The following CRADD variants were observed in gnomAD, a reference collection of about 807,000 sequenced individuals.
CRADD encodes death domain-containing protein CRADD.
Under a neutral mutation model 15.5 loss-of-function variants are expected in CRADD, and 9 were observed. The ratio of observed to expected loss-of-function variants is 0.58; its 90% CI spans 0.35 to 1.01. CRADD has a LOEUF of 1.01. Ranked by LOEUF, CRADD falls within the 50% of genes least tolerant of loss-of-function variation. CRADD has a pLI of 0.02. For synonymous variants in CRADD, 118 were observed against 107.6 expected, an observed-to-expected ratio of 1.10 and a Z score of -0.60; for missense variants, 227 against 250.3, an observed-to-expected ratio of 0.91 and a Z score of 0.63.
At position 93,810,551 on chromosome 12, in the gene CRADD, C is replaced by CAAAAAAAA. The variant is rs56689824; in HGVS notation, c.299-39386_299-39379dup. On this transcript the variant is annotated intron_variant, in intron 2 of 2. Transcript: ENST00000332896. Reference sequence around the variant, plus strand: ...GGGCAACAAGAGCGCAAATCAGTCTCAAAAAAAAAAAAAAAAAAAAAAAAA... The same window carrying CAAAAAAAA: ...GGGCAACAAGAGCGCAAATCAGTCTCAAAAAAAAAAAAAAAAAAAAAAAAAAAAAAAAA... Among the ~76,000 whole-genome samples the CAAAAAAAA allele has an allele frequency of 7.4e-4, 29 of 39,068 alleles. 2 individuals are homozygous for CAAAAAAAA. Among genetic ancestry groups the CAAAAAAAA allele is most frequent in the African/African-American group, 1.4e-3 (15 of 10,862 alleles). 25.6% of individuals were successfully genotyped at this position (39,068 alleles called of 152,430 possible).
chr12:93,855,134 G>A (rs1958261869), downstream of CRADD, among the ~76,000 whole-genome samples: 1 of 152,096 alleles, frequency 6.6e-6, no homozygotes, highest in South Asian at 2.1e-4. Flanking sequence ...GATGGAGGTT[G>A]CAGCGAGCCA....
At chr12:93,832,051 T>C (rs911697247) in intron 2 of CRADD, among the ~76,000 whole-genome samples, 1 of 145,500 alleles carries the variant, frequency 6.9e-6, no homozygotes, top group Admixed American at 6.7e-5. Flanking sequence ...TTGTATACAT[T>C]TATGATTGAT....
At chr12:93,874,222 T>G (rs1958442453) in intron 2 of CRADD, among the ~76,000 whole-genome samples, 1 of 152,132 alleles carries the variant, frequency 6.6e-6, no homozygotes, top group Admixed American at 6.5e-5. Context: ...ATTTTCCAAT[T>G]TATTGGCATT....
rs139114932 is a variant in CRADD, at chr12:93,848,357, G to T, written c.299-1613G>T. Among the ~76,000 whole-genome samples the T allele has an allele frequency of 1.9e-3, 291 of 152,304 alleles. 1 individual carries two copies. Among genetic ancestry groups the T allele is most frequent in the African/African-American group, 6.7e-3 (278 of 41,568 alleles). Reference sequence around the variant, plus strand: ...TGCTGGCCGCTGCCCAGAGGCCAAAGACATGGGCTGTGGAAAACATCAGCT... The same window carrying T: ...TGCTGGCCGCTGCCCAGAGGCCAAATACATGGGCTGTGGAAAACATCAGCT... On this transcript the variant is annotated intron_variant, in intron 2 of 2. Transcript: ENST00000332896.
chr12:93,870,806 G>A (rs1274486264), intron 2 of CRADD, among the ~76,000 whole-genome samples: 1 of 152,230 alleles, frequency 6.6e-6, no homozygotes, highest in East Asian at 1.9e-4. Context: ...TCTTCCCAGA[G>A]AGAAAGGCAG....
chr12:93,770,746 C>T (rs1188822396), intron 2 of CRADD, among the ~76,000 whole-genome samples: 1 of 152,196 alleles, frequency 6.6e-6, no homozygotes, highest in African/African-American at 2.4e-5. Context: ...TCACCAGTTC[C>T]TGGAGATTCT....
chr12:93,751,029 C>T (rs1565900548), intron 2 of CRADD, among the ~76,000 whole-genome samples: 2 of 152,134 alleles, frequency 1.3e-5, no homozygotes, highest in African/African-American at 4.8e-5. Flanking sequence ...TGGTAACTTG[C>T]CTGTGTCTAC....
intron 2 of CRADD, among the ~76,000 whole-genome samples, chr12:93,728,463 C>T (rs555205052): frequency 6.6e-6 from 1 of 152,232 alleles, no homozygotes; most frequent in South Asian, 2.1e-4. Flanking sequence ...ACTTTTTGTC[C>T]ATATTAACCT....
At chr12:93,694,270 C>T (rs2136821348) in intron 2 of CRADD, among the ~76,000 whole-genome samples, 1 of 152,180 alleles carries the variant, frequency 6.6e-6, no homozygotes, top group East Asian at 1.9e-4. Flanking sequence ...ATGTCAACAT[C>T]CCTTCATTAT....
At chr12:93,879,956 A>C (rs947208134) in intron 2 of CRADD, among the ~76,000 whole-genome samples, 2 of 152,226 alleles carry the variant, frequency 1.3e-5, no homozygotes, top group African/African-American at 4.8e-5. Context: ...CAGTAATATC[A>C]AACACCTACT....
At chr12:93,705,178 G>A (rs1400537813) in intron 2 of CRADD, among the ~76,000 whole-genome samples, 3 of 152,176 alleles carry the variant, frequency 2.0e-5, no homozygotes, top group Admixed American at 6.5e-5. Flanking sequence ...CAGACCCCAG[G>A]ACAGTGCCTG....
chr12:93,733,843 C>T (rs557207915), intron 2 of CRADD, among the ~76,000 whole-genome samples: 44 of 151,546 alleles, frequency 2.9e-4, no homozygotes, highest in African/African-American at 7.5e-4. Context: ...CTCAATCGAT[C>T]CTACACCACA....
chr12:93,678,252 A>G (rs1955202955), intron 1 of CRADD, among the ~76,000 whole-genome samples: 1 of 152,166 alleles, frequency 6.6e-6, no homozygotes, highest in African/African-American at 2.4e-5. Flanking sequence ...GAACCTGCTG[A>G]TTTCTGTCCT....
At chr12:93,867,061 G>T (rs145537161) in intron 2 of CRADD, among the ~76,000 whole-genome samples, 1 of 152,086 alleles carries the variant, frequency 6.6e-6, no homozygotes, top group Non-Finnish European at 1.5e-5. Context: ...TTGTATTTGT[G>T]TCTGTCTGAC....
chr12:93,850,295 G>A lies in CRADD; in HGVS notation c.*24G>A. ...GATGGTGCCTCCAGCAACCGCTGGG[G>A]AGTGTGTCCCTGAGTCATGTGGGCT... On this transcript the variant is annotated 3_prime_UTR_variant, in exon 3 of 3. Coordinates refer to ENST00000332896, the MANE Select transcript of CRADD (RefSeq NM_003805.5). The surrounding 1 kb of genome is among the most constrained non-coding windows in gnomAD (Gnocchi z 4.0). 3 of 1,572,018 alleles carry A rather than the reference G, an allele frequency of 1.9e-6. No homozygotes were observed. The highest frequency in any genetic ancestry group is 2.6e-6 in the Non-Finnish European group (3 of 1,159,632).
chr12:93,720,159 A>T (rs1269836948), intron 2 of CRADD, among the ~76,000 whole-genome samples: 3 of 152,114 alleles, frequency 2.0e-5, no homozygotes, highest in Admixed American at 6.5e-5. Context: ...ATATTTTTTT[A>T]AATTATCTTG....
intron 2 of CRADD, among the ~76,000 whole-genome samples, chr12:93,875,347 C>G (rs1958450823): frequency 6.6e-6 from 1 of 151,810 alleles, no homozygotes; most frequent in South Asian, 2.1e-4. Flanking sequence ...GTTTTTTCAT[C>G]CATTCATCCA....
chr12:93,734,834 C>G (rs1956535733), intron 2 of CRADD, among the ~76,000 whole-genome samples: 1 of 152,172 alleles, frequency 6.6e-6, no homozygotes, highest in Non-Finnish European at 1.5e-5. Flanking sequence ...TGTCCGTCTT[C>G]CCCCTATCTT....
chr12:93,812,538 T>A (rs1038696686), intron 2 of CRADD, among the ~76,000 whole-genome samples: 7 of 150,508 alleles, frequency 4.7e-5, no homozygotes, highest in Admixed American at 4.0e-4. Flanking sequence ...AAAAAAAAAA[T>A]TGTATTCTAA....
Sources: gnomAD v4.1 joint callset for allele counts (sites outside exome capture counted in the v4.1 genomes callset) on GRCh38, gnomAD v4.1.1 for gene constraint, Gnocchi (gnomAD v3.1) non-coding constraint, MANE v1.5 for transcripts, NCBI Gene and HGNC (gene_info 2026-07-23, HGNC 2026-07-21) for gene names.